The following ADCK1 variants were observed in gnomAD, a reference collection of about 807,000 sequenced individuals.
The protein encoded by ADCK1 is aarF domain containing kinase 1.
Under a neutral mutation model 52.3 loss-of-function variants are expected in ADCK1, and 41 were observed. The observed-to-expected ratio is 0.78, with a 90% confidence interval of 0.61 to 1.02. The LOEUF (loss-of-function observed/expected upper bound fraction) is 1.02, where lower values mean the gene tolerates loss of function less well. ADCK1 is among the 50% of genes least tolerant of loss of function. The pLI is 0.00. For missense variants in ADCK1, 658 were observed against 679.5 expected, an observed-to-expected ratio of 0.97 and a Z score of 0.35; for synonymous variants, 250 against 274.6, an observed-to-expected ratio of 0.91 and a Z score of 0.89.
chr14:77,877,065 A>C (rs2082916380), intron 4 of ADCK1, among the ~76,000 whole-genome samples: 1 of 152,160 alleles, frequency 6.6e-6, no homozygotes. Flanking sequence ...AAATATAAAA[A>C]TTAGCCGGGT....
In ADCK1 at chr14:77,819,015, A is replaced by G; in HGVS notation, c.37A>G (p.Ser13Gly). The G allele has an allele frequency of 1.2e-6, 2 of 1,614,238 alleles. No homozygotes were observed. The highest frequency in any genetic ancestry group is 1.7e-6 in the Non-Finnish European group (2 of 1,180,040). Residue 13 changes from serine to glycine, a missense_variant, in exon 2 of 11, where the codon AGC becomes GGC. By Grantham distance (56) the Ser-to-Gly change is moderately conservative. Transcript: ENST00000238561. ...GGCTCTCAAGCTTGCTTCGTGGACC[A>G]GCATGGCTCTTGCTGCCTCTGGCAT... is the stretch of plus-strand genomic sequence containing the variant. ...RKALKLASWT[S>G]MALAASGIYF...
intron 1 of ADCK1, among the ~76,000 whole-genome samples, chr14:77,807,058 A>G (rs1198785235): frequency 4.4e-3 from 270 of 61,494 alleles, no homozygotes; most frequent in East Asian, 5.7e-3. Context: ...TTTTTTTTGG[A>G]GACAGAGTCT....
intron 3 of ADCK1, among the ~76,000 whole-genome samples, chr14:77,834,402 A>G (rs963293661): frequency 6.6e-6 from 1 of 152,222 alleles, no homozygotes; most frequent in Non-Finnish European, 1.5e-5. Flanking sequence ...CTACTGGGCT[A>G]TGCCCTGGCT....
chr14:77,846,867 C>G (rs982551672), intron 3 of ADCK1, among the ~76,000 whole-genome samples: 4 of 152,370 alleles, frequency 2.6e-5, no homozygotes, highest in African/African-American at 9.6e-5. Flanking sequence ...ATCCATGGAG[C>G]TGCTGCATGG....
chr14:77,894,897 C>T (rs961311502), intron 5 of ADCK1, among the ~76,000 whole-genome samples: 8 of 151,940 alleles, frequency 5.3e-5, no homozygotes, highest in African/African-American at 1.9e-4. Flanking sequence ...AGATTACAGG[C>T]ACATGCCACT....
intron 3 of ADCK1, among the ~76,000 whole-genome samples, chr14:77,828,637 C>T (rs1219774110): frequency 3.3e-5 from 5 of 152,058 alleles, no homozygotes; most frequent in Non-Finnish European, 5.9e-5. Context: ...CGGGTTCAAG[C>T]GATTCTCCTC....
intron 3 of ADCK1, among the ~76,000 whole-genome samples, chr14:77,838,634 G>A (rs2082006738): frequency 1.3e-5 from 2 of 152,218 alleles, no homozygotes; most frequent in Non-Finnish European, 2.9e-5. Context: ...CTGGGCTCAA[G>A]CTATCCACCT....
intron 6 of ADCK1, among the ~76,000 whole-genome samples, chr14:77,905,628 T>C (rs1039694517): frequency 4.0e-5 from 6 of 151,850 alleles, no homozygotes; most frequent in Admixed American, 1.3e-4. Flanking sequence ...AACCCGAAAA[T>C]ATGTCCCATT....
intron 3 of ADCK1, among the ~76,000 whole-genome samples, chr14:77,827,403 T>C (rs961990014): frequency 6.7e-6 from 1 of 148,750 alleles, no homozygotes; most frequent in South Asian, 2.1e-4. Context: ...TAGATCTAGC[T>C]GAAATTGAAG....
At chr14:77,856,498 G>A (rs2140131223) in intron 3 of ADCK1, among the ~76,000 whole-genome samples, 1 of 152,228 alleles carries the variant, frequency 6.6e-6, no homozygotes. Context: ...GTTCTGAAGG[G>A]GAGTCCCATG....
At chr14:77,810,871 C>T (rs1038208016) in intron 1 of ADCK1, among the ~76,000 whole-genome samples, 33 of 152,126 alleles carry the variant, frequency 2.2e-4, no homozygotes, top group African/African-American at 8.0e-4. Context: ...TACTGCCTTC[C>T]TAATGTGGGC....
intron 3 of ADCK1, among the ~76,000 whole-genome samples, chr14:77,833,218 G>T (rs1460774982): frequency 6.6e-6 from 1 of 152,204 alleles, no homozygotes; most frequent in Non-Finnish European, 1.5e-5. Context: ...TGGGAGATGG[G>T]GCTGGGATGC....
intron 4 of ADCK1, among the ~76,000 whole-genome samples, chr14:77,864,894 G>C (rs1315119545): frequency 1.3e-5 from 2 of 152,170 alleles, no homozygotes; most frequent in African/African-American, 4.8e-5. Context: ...CTTGGGGAAG[G>C]TCAGTCTATG....
intron 7 of ADCK1, chr14:77,914,524 T>C (rs1348735800): frequency 9.1e-6 from 9 of 985,442 alleles, no homozygotes; most frequent in Non-Finnish European, 1.1e-5. Flanking sequence ...CTTGCTACAA[T>C]AGAGGTGTGA....
At chr14:77,811,185 G>A (rs2081332313) in intron 1 of ADCK1, among the ~76,000 whole-genome samples, 1 of 151,934 alleles carries the variant, frequency 6.6e-6, no homozygotes, top group Non-Finnish European at 1.5e-5. Flanking sequence ...GGGAGCATTT[G>A]TTAAAGCCTG....
At position 77,859,091 on chromosome 14, in the gene ADCK1, G is replaced by A. The variant is rs1446985500; in HGVS notation, c.235G>A (p.Ala79Thr). The change falls in exon 4 of 11, where the codon GCC becomes ACC. Residue 79 changes from alanine to threonine, a missense_variant. By Grantham distance (58) the Ala-to-Thr change is moderately conservative. Coordinates refer to ENST00000238561, the MANE Select transcript of ADCK1 (RefSeq NM_020421.4). ...CTTCCTGCAGGTGCACCTTCGCTCT[G>A]CCAGGCGTCTCTGTGAGCTCTGCTG... ...QLRSKVHLRS[A>T]RRLCELCCAN... is the part of the protein sequence containing the mutation. 6.2e-7 allele frequency: 1 copy of A among 1,606,582 alleles called. No individual in the cohort carries two copies. Among genetic ancestry groups the A allele is most frequent in the South Asian group, 1.1e-5 (1 of 90,308 alleles).
rs116238314 is a variant in ADCK1, at chr14:77,810,241, A to C, written c.-11-8727A>C. ...GTGATCCTCCTACCTCAGCCTCCTGAGTAGCTGGGAGTTCAGGGACACACC... is the reference window on the plus strand; with the variant it reads ...GTGATCCTCCTACCTCAGCCTCCTGCGTAGCTGGGAGTTCAGGGACACACC... On this transcript the variant is annotated intron_variant, in intron 1 of 10. Coordinates refer to ENST00000238561, the MANE Select transcript of ADCK1 (RefSeq NM_020421.4). Among the ~76,000 whole-genome samples, 1,105 of 151,870 alleles carry C rather than the reference A, an allele frequency of 7.3e-3. 18 individuals are homozygous for C. Among genetic ancestry groups the C allele is most frequent in the African/African-American group, 0.026 (1,069 of 41,436 alleles).
chr14:77,875,515 C>T (rs1371572429), intron 4 of ADCK1, among the ~76,000 whole-genome samples: 1 of 152,072 alleles, frequency 6.6e-6, no homozygotes, highest in South Asian at 2.1e-4. Context: ...CTCCTTAGCA[C>T]CCTGATCTAA....
At chr14:77,847,297 G>C (rs1264531073) in intron 3 of ADCK1, among the ~76,000 whole-genome samples, 1 of 152,130 alleles carries the variant, frequency 6.6e-6, no homozygotes, top group Non-Finnish European at 1.5e-5. Flanking sequence ...CAGGCTGGGC[G>C]CTGTGGCCTA....
Sources: allele counts gnomAD v4.1 joint callset (sites outside exome capture counted in the v4.1 genomes callset), GRCh38; gene constraint gnomAD v4.1.1; transcripts MANE v1.5; gene names NCBI Gene and HGNC (gene_info 2026-07-23, HGNC 2026-07-21).